HMCN2: variants seen among roughly 807,000 people sequenced by gnomAD.
HMCN2 encodes hemicentin-2.
A neutral mutation model predicts 377.5 loss-of-function variants in HMCN2; 325 were observed. That is an observed-to-expected ratio of 0.86 (90% CI 0.79 to 0.94). The LOEUF (loss-of-function observed/expected upper bound fraction) is 0.94, where lower values mean the gene tolerates loss of function less well. HMCN2 is among the 40% of genes least tolerant of loss of function. HMCN2 has a pLI of 0.00. For missense variants in HMCN2, 4,543 were observed against 4,725.3 expected (o/e 0.96, Z 1.13); for synonymous variants, 2,007 against 2,046.8 (o/e 0.98, Z 0.53).
At chr9:130,322,326 CTAT>C (rs1837897376) in intron 19 of HMCN2, among the ~76,000 whole-genome samples, 1 of 109,992 alleles carries the variant, frequency 9.1e-6, no homozygotes, top group African/African-American at 3.5e-5. Context: ...TCTAATCTAT[CTAT>C]CTATCTATCT....
At chr9:130,305,698 C>T (rs1215254002) in intron 11 of HMCN2, among the ~76,000 whole-genome samples, 2 of 152,098 alleles carry the variant, frequency 1.3e-5, no homozygotes, top group Non-Finnish European at 2.9e-5. Flanking sequence ...TGAGTCTGAC[C>T]AGCCTGTTGT....
intron 7 of HMCN2, among the ~76,000 whole-genome samples, chr9:130,298,050 A>G (rs1836262958): frequency 6.6e-6 from 1 of 152,102 alleles, no homozygotes; most frequent in African/African-American, 2.4e-5. Flanking sequence ...TGCCTCCTGG[A>G]TTCAAGCAAT....
intron 1 of HMCN2, among the ~76,000 whole-genome samples, chr9:130,281,962 G>A (rs1835146635): frequency 6.6e-6 from 1 of 151,436 alleles, no homozygotes; most frequent in African/African-American, 2.4e-5. Flanking sequence ...TACACAGGAA[G>A]CATCTCAGGA....
chr9:130,297,942 T>C (rs1554932731), intron 7 of HMCN2, among the ~76,000 whole-genome samples: 1 of 152,152 alleles, frequency 6.6e-6, no homozygotes, highest in Non-Finnish European at 1.5e-5. Flanking sequence ...CTGCTCTTGA[T>C]AAAGATGTAT....
intron 60 of HMCN2, among the ~76,000 whole-genome samples, chr9:130,385,998 C>T (rs35585965): frequency 0.12 from 17,549 of 152,196 alleles, 1,088 homozygotes; most frequent in African/African-American, 0.16. Context: ...CTTCCTGCCT[C>T]GGTTTCCTCA....
At chr9:130,271,934 C>T (rs1286449067) in intron 1 of HMCN2, among the ~76,000 whole-genome samples, 1 of 149,264 alleles carries the variant, frequency 6.7e-6, no homozygotes, top group Non-Finnish European at 1.5e-5. Context: ...AATTTATATT[C>T]GATATTGGAT....
At chr9:130,431,628 A>C in intron 96 of HMCN2, 142 bp downstream of exon 96, 15 of 1,274,170 alleles carry the variant, frequency 1.2e-5, no homozygotes, top group Non-Finnish European at 1.6e-5. Flanking sequence ...AGGCAGGCTC[A>C]GAGGGGTTCT....
At chr9:130,307,758 C>T (rs537097028) in intron 14 of HMCN2, among the ~76,000 whole-genome samples, 192 bp downstream of exon 14, 43 of 152,122 alleles carry the variant, frequency 2.8e-4, no homozygotes, top group African/African-American at 9.2e-4. Context: ...TGTGTTGACA[C>T]AGCTCATGTA....
intron 15 of HMCN2, among the ~76,000 whole-genome samples, chr9:130,313,622 C>T (rs1837388110): frequency 6.6e-6 from 1 of 151,392 alleles, no homozygotes; most frequent in African/African-American, 2.4e-5. Context: ...AAACCTGTGT[C>T]CAGGCTGGGT....
intron 85 of HMCN2, among the ~76,000 whole-genome samples, chr9:130,417,066 C>A (rs1435672933): frequency 6.6e-6 from 1 of 151,754 alleles, no homozygotes. Flanking sequence ...CACAGACCAC[C>A]ACACCTGGCT....
chr9:130,329,439 CT>C (rs869081836), intron 22 of HMCN2, among the ~76,000 whole-genome samples: 36,673 of 105,242 alleles, frequency 0.35, 5,216 homozygotes, highest in African/African-American at 0.44. Flanking sequence ...AATAGCCTCA[CT>C]TTTTTTTTTT....
rs114784373 is a variant in HMCN2 at position 130,427,505 on chromosome 9, G to T, written c.13951G>T (p.Glu4651Ter). ...SQGAFCVDRD[E>*]CSGGPSPCSH... ...ACCCCTTCCTGCCCCAGACAGGGAC[G>T]AGTGCTCAGGAGGCCCTAGCCCCTG... The change falls in exon 92 of 98, where the codon GAG (glutamate) becomes TAG (stop). Residue 4651 changes from glutamate to a stop codon, truncating the protein, a stop_gained. Transcript: ENST00000683500. LOFTEE classifies it high-confidence loss of function. 2.2e-3 allele frequency: 3,402 copies of T among 1,550,452 alleles called. 73 individuals carry two copies. The African/African-American group carries it at 0.041, about 19-fold the overall frequency.
At chr9:130,296,506 G>A (rs551063725) in intron 6 of HMCN2, among the ~76,000 whole-genome samples, 168 bp from the exon 7 acceptor site, 12 of 152,286 alleles carry the variant, frequency 7.9e-5, no homozygotes, top group African/African-American at 2.2e-4. Context: ...CTTCATTTGG[G>A]GAGCATCGTG....
Position 130,433,964 on chromosome 9 carries a change from A to C in HMCN2, c.*271A>C. On this transcript the variant is annotated 3_prime_UTR_variant, in exon 98 of 98. Coordinates refer to ENST00000683500, the MANE Select transcript of HMCN2 (RefSeq NM_001291815.2). ...AGCCCGGATCAGACCTCCAGGTCTGATCCGCCCCTCAGTGGGAGCGGGACA... is the reference window on the plus strand; with the variant it reads ...AGCCCGGATCAGACCTCCAGGTCTGCTCCGCCCCTCAGTGGGAGCGGGACA... 5.3e-6 allele frequency: 2 copies of C among 374,440 alleles called. No individual in the cohort carries two copies. The highest frequency in any genetic ancestry group is 9.5e-6 in the Non-Finnish European group (2 of 210,868). The allele number at this position is 374,440 out of a possible 1,614,324, so 23.2% of individuals were successfully genotyped here. A position where few individuals can be genotyped will look rare whatever the true frequency, so the allele number is the denominator to read the frequency against.
chr9:130,340,938 C>T (rs1328166767), intron 23 of HMCN2, among the ~76,000 whole-genome samples, 173 bp from the exon 24 acceptor site: 1 of 152,230 alleles, frequency 6.6e-6, no homozygotes, highest in Non-Finnish European at 1.5e-5. Flanking sequence ...CCGGAGCTCA[C>T]TCACTTTGGG....
chr9:130,313,743 C>T (rs1030292816), intron 15 of HMCN2, among the ~76,000 whole-genome samples: 2 of 146,714 alleles, frequency 1.4e-5, no homozygotes, highest in South Asian at 4.5e-4. Flanking sequence ...CTGTGCTTTA[C>T]TTCATTCCTC....
Position 130,430,352 on chromosome 9 carries a change from C to A in HMCN2, c.14395C>A (p.Arg4799Ser). ...GTGCCACAACCTCCAGGGCAGCTACCGCTGCCTGTGCCCCCCAGGCCAGAC... is the reference window on the plus strand; with the variant it reads ...GTGCCACAACCTCCAGGGCAGCTACAGCTGCCTGTGCCCCCCAGGCCAGAC... ...YQCHNLQGSYRCLCPPGQTLL... is the reference protein window; with the variant it reads ...YQCHNLQGSYSCLCPPGQTLL... Residue 4799 changes from arginine (R) to serine (S), a missense_variant, in exon 95 of 98, where the codon CGC becomes AGC. By Grantham distance (110) the Arg-to-Ser change is moderately radical. Transcript: ENST00000683500. 6.5e-7 allele frequency: 1 copy of A among 1,548,758 alleles called. No homozygotes were observed.
intron 62 of HMCN2, 146 bp downstream of exon 62, chr9:130,388,686 CA>C: frequency 5.5e-6 from 2 of 363,168 alleles, no homozygotes; most frequent in Non-Finnish European, 7.6e-6. Flanking sequence ...CCCCCCCCAC[CA>C]TTTGTGTTTG....
At chr9:130,398,996 T>C (rs1842740833) in intron 75 of HMCN2, among the ~76,000 whole-genome samples, 1 of 152,130 alleles carries the variant, frequency 6.6e-6, no homozygotes, top group South Asian at 2.1e-4. Context: ...CTCACACCTG[T>C]AGTCCCAGCA....
Sources: allele counts gnomAD v4.1 joint callset (sites outside exome capture counted in the v4.1 genomes callset), GRCh38; gene constraint gnomAD v4.1.1; transcripts MANE v1.5; gene names NCBI Gene and HGNC (gene_info 2026-07-23, HGNC 2026-07-21).